MBOAT2: variants seen among roughly 807,000 people sequenced by gnomAD.
The protein encoded by MBOAT2 is membrane bound glycerophospholipid O-acyltransferase 2, also known as membrane-bound glycerophospholipid O-acyltransferase 2.
MBOAT2 carries 28 observed loss-of-function variants against 63.4 expected under a neutral mutation model. That is an observed-to-expected ratio of 0.44 (90% CI 0.33 to 0.61). MBOAT2 has a LOEUF of 0.61. MBOAT2 is among the 20% of genes least tolerant of loss of function. The pLI, the probability that MBOAT2 is intolerant of heterozygous loss-of-function variation, is 0.03. For missense variants in MBOAT2, 470 were observed against 605.8 expected (o/e 0.78, Z 2.35); for synonymous variants, 211 against 215.6 (o/e 0.98, Z 0.19).
intron 3 of MBOAT2, among the ~76,000 whole-genome samples, chr2:8,936,695 T>C (rs1027217380): frequency 8.7e-5 from 13 of 149,452 alleles, no homozygotes; most frequent in African/African-American, 3.2e-4. Context: ...GGCAGGAGAA[T>C]TGCTTGAACC....
At chr2:8,932,445 A>G (rs1667387597) in intron 3 of MBOAT2, among the ~76,000 whole-genome samples, 1 of 152,216 alleles carries the variant, frequency 6.6e-6, no homozygotes, top group African/African-American at 2.4e-5. Flanking sequence ...ATGCAATACA[A>G]TGTCTCAATG....
chr2:8,868,368 G>T, intron 9 of MBOAT2, 78 bp downstream of exon 9: 1 of 1,187,840 alleles, frequency 8.4e-7, no homozygotes, highest in Non-Finnish European at 1.2e-6. Context: ...CCACTCCTAG[G>T]ACATCACACC....
In MBOAT2 at chr2:8,862,681, G is replaced by A. The variant is rs749037038; in HGVS notation, c.1094C>T (p.Thr365Met). 6.2e-7 allele frequency: 1 copy of A among 1,613,916 alleles called. No homozygotes were observed. Among genetic ancestry groups the A allele is most frequent in the South Asian group, 1.1e-5 (1 of 91,062 alleles). Residue 365 changes from threonine to methionine, a missense_variant, in exon 11 of 13, where the codon ACG (threonine) becomes ATG (methionine). Physicochemically the swap from Thr to Met is moderately conservative, Grantham distance 81 (BLOSUM62 -1). Coordinates refer to ENST00000305997, the MANE Select transcript of MBOAT2 (RefSeq NM_138799.4). This position sits in a 1 kb window ranked among gnomAD's most constrained non-coding sequence, Gnocchi z 4.3. The part of the protein sequence containing the change: ...ERTSFSPTIQ[T>M]FILSAIWHGV... ...GTGCCAAATGGCAGAGAGAATGAACGTCTGGATAGTTGGACTGAAGGAGGT... is the reference window on the plus strand; with the variant it reads ...GTGCCAAATGGCAGAGAGAATGAACATCTGGATAGTTGGACTGAAGGAGGT...
chr2:8,958,421 T>C (rs1265817296), intron 2 of MBOAT2, 76 bp downstream of exon 2: 3 of 1,345,178 alleles, frequency 2.2e-6, no homozygotes, highest in African/African-American at 2.9e-5. Flanking sequence ...CCCTACATAA[T>C]GTATCTTTCC....
intron 4 of MBOAT2, among the ~76,000 whole-genome samples, chr2:8,890,212 T>C (rs1663888095): frequency 6.6e-6 from 1 of 152,176 alleles, no homozygotes; most frequent in African/African-American, 2.4e-5. Context: ...TCCCTCTTCA[T>C]GAATCAGCTG....
In MBOAT2 at chr2:8,853,171, A is replaced by C. The variant is rs1183803375; in HGVS notation, c.*5508T>G. ...TGTATATGGAAGAATTTCTCACTTC[A>C]CCTGAATGATTTACTTTCATTCCTA... On this transcript the variant is annotated 3_prime_UTR_variant, in exon 13 of 13. Transcript: ENST00000305997. 1 of 152,184 alleles carries C rather than the reference A, an allele frequency of 6.6e-6. No homozygotes were observed. The highest frequency in any genetic ancestry group is 1.5e-5 in the Non-Finnish European group (1 of 68,028). 9.4% of individuals were successfully genotyped at this position (152,184 alleles called of 1,614,324 possible).
At chr2:8,913,701 G>A (rs1168072794) in intron 3 of MBOAT2, among the ~76,000 whole-genome samples, 7 of 152,240 alleles carry the variant, frequency 4.6e-5, no homozygotes, top group Admixed American at 4.6e-4. Context: ...AGTGCTCAGG[G>A]AACACTTCTA....
At chr2:8,893,488 T>C (rs1664172637) in intron 4 of MBOAT2, among the ~76,000 whole-genome samples, 1 of 152,210 alleles carries the variant, frequency 6.6e-6, no homozygotes, top group Non-Finnish European at 1.5e-5. Context: ...AATGCCACTG[T>C]GTGGATTAAA....
chr2:8,917,885 T>C (rs757747841), intron 3 of MBOAT2, among the ~76,000 whole-genome samples: 7 of 152,182 alleles, frequency 4.6e-5, no homozygotes, highest in Admixed American at 6.5e-5. Flanking sequence ...ATTAATACAA[T>C]GGAATAAAAA....
chr2:8,972,813 A>T (rs1440645048), intron 1 of MBOAT2, among the ~76,000 whole-genome samples: 2 of 152,200 alleles, frequency 1.3e-5, no homozygotes, highest in African/African-American at 4.8e-5. Flanking sequence ...TCAAAACCAC[A>T]ATGAGATACC....
intron 1 of MBOAT2, among the ~76,000 whole-genome samples, chr2:8,991,863 A>T (rs1671936397): frequency 1.3e-5 from 2 of 152,364 alleles, no homozygotes; most frequent in Middle Eastern, 3.4e-3. Flanking sequence ...CTTTATGGTC[A>T]TCATTAGCAA....
intron 3 of MBOAT2, among the ~76,000 whole-genome samples, chr2:8,918,584 G>A (rs952309582): frequency 6.6e-6 from 1 of 152,172 alleles, no homozygotes; most frequent in Admixed American, 6.5e-5. Context: ...TATCTATGGT[G>A]CAATAAATAA....
At chr2:9,001,585 A>G (rs1015301374) in intron 1 of MBOAT2, among the ~76,000 whole-genome samples, 1 of 152,216 alleles carries the variant, frequency 6.6e-6, no homozygotes, top group African/African-American at 2.4e-5. Context: ...ATGGCTGTAC[A>G]AATTTAGAGT....
intron 3 of MBOAT2, among the ~76,000 whole-genome samples, chr2:8,925,824 C>T (rs1356735692): frequency 6.6e-6 from 1 of 152,182 alleles, no homozygotes; most frequent in African/African-American, 2.4e-5. Flanking sequence ...TCTCTGAAAT[C>T]AAGAATCCTC....
intron 3 of MBOAT2, among the ~76,000 whole-genome samples, chr2:8,929,861 G>A (rs780141458): frequency 6.6e-6 from 1 of 152,120 alleles, no homozygotes; most frequent in Non-Finnish European, 1.5e-5. Flanking sequence ...ACTTGGTCCT[G>A]GATGAATAAT....
At chr2:8,882,375 G>A (rs1204973501) in intron 6 of MBOAT2, 136 bp downstream of exon 6, 2 of 835,192 alleles carry the variant, frequency 2.4e-6, no homozygotes, top group East Asian at 5.3e-5. Flanking sequence ...CAGGAGGGAA[G>A]TGCATGGAGA....
intron 1 of MBOAT2, among the ~76,000 whole-genome samples, chr2:8,985,757 C>T (rs1423653914): frequency 6.6e-6 from 1 of 152,158 alleles, no homozygotes; most frequent in Non-Finnish European, 1.5e-5. Flanking sequence ...TGACCACCAT[C>T]ACCGAGCCTA....
chr2:8,912,760 C>G (rs1665885768), intron 3 of MBOAT2, among the ~76,000 whole-genome samples: 1 of 152,116 alleles, frequency 6.6e-6, no homozygotes, highest in Non-Finnish European at 1.5e-5. Flanking sequence ...CGGAAATGAC[C>G]ATACTCCAAA....
At chr2:8,944,873 G>A (rs1023229760) in intron 2 of MBOAT2, among the ~76,000 whole-genome samples, 19 of 152,240 alleles carry the variant, frequency 1.2e-4, no homozygotes, top group Non-Finnish European at 1.9e-4. Context: ...GACTTCGTGC[G>A]AAAGGTGACA....
Sources: allele counts gnomAD v4.1 joint callset (sites outside exome capture counted in the v4.1 genomes callset), GRCh38; gene constraint gnomAD v4.1.1; non-coding constraint Gnocchi (gnomAD v3.1); transcripts MANE v1.5; gene names NCBI Gene and HGNC (gene_info 2026-07-23, HGNC 2026-07-21).